Variants in CUX2 observed in about 807,000 individuals in gnomAD.
CUX2 encodes cut like homeobox 2, also known as homeobox protein cut-like 2.
In CUX2, 40 loss-of-function variants were observed where a neutral mutation model predicts 144.8. That is an observed-to-expected ratio of 0.28 (90% CI 0.21 to 0.36). The LOEUF (loss-of-function observed/expected upper bound fraction) is 0.36. Ranked by LOEUF, CUX2 falls within the 10% of genes least tolerant of loss-of-function variation. The pLI, the probability that CUX2 is intolerant of heterozygous loss-of-function variation, is 1.00. For missense variants in CUX2, 1,615 were observed against 1,994.0 expected (o/e 0.81, Z 3.62); for synonymous variants, 827 against 875.6 (o/e 0.94, Z 0.98).
At chr12:111,229,900 G>A (rs1345764537) in intron 3 of CUX2, among the ~76,000 whole-genome samples, 1 of 151,820 alleles carries the variant, frequency 6.6e-6, no homozygotes, top group African/African-American at 2.4e-5. Flanking sequence ...TGTAGTCCCA[G>A]GTACTAGGGG....
chr12:111,042,594 ATAG>A (rs1036143671), intron 1 of CUX2, among the ~76,000 whole-genome samples: 1 of 152,166 alleles, frequency 6.6e-6, no homozygotes, highest in African/African-American at 2.4e-5. Context: ...AATGGGGATA[ATAG>A]TAGTAGCCAC....
chr12:111,083,107 T>C (rs1871996681), intron 1 of CUX2, among the ~76,000 whole-genome samples: 2 of 152,114 alleles, frequency 1.3e-5, no homozygotes, highest in South Asian at 4.2e-4. Context: ...CCCTGCTAAG[T>C]TGTACCAACC....
intron 3 of CUX2, among the ~76,000 whole-genome samples, chr12:111,222,450 A>G (rs938628107): frequency 6.6e-6 from 1 of 152,134 alleles, no homozygotes; most frequent in African/African-American, 2.4e-5. Context: ...CTTCCACCAT[A>G]AAGGGGATGT....
In CUX2 at chr12:111,065,378, G is replaced by A. The variant is rs556514410; in HGVS notation, c.63+31138G>A. On this transcript the variant is annotated intron_variant, in intron 1 of 21. Coordinates refer to ENST00000261726, the MANE Select transcript of CUX2 (RefSeq NM_015267.4). ...AGACGGAGTCTTGCTCTGTTGCCCA[G>A]GCTGGAGTGCAGTGGCACGATCTCG... is the stretch of plus-strand genomic sequence containing the variant. 2.0e-5 allele frequency among the ~76,000 whole-genome samples: 3 copies of A among 152,358 alleles called. No homozygotes were observed. The South Asian group carries it at 6.2e-4, about 32-fold the overall frequency.
Position 111,277,090 on chromosome 12 carries a change from C to T in CUX2, c.301+13251C>T, listed in dbSNP as rs1427869589. On this transcript the variant is annotated intron_variant, in intron 4 of 21. Transcript: ENST00000261726. The surrounding 1 kb of genome is among the most constrained non-coding windows in gnomAD (Gnocchi z 5.0). ...CTCATCTGCCCCCTGCCCTACCCAA[C>T]CTTGTGGATGTGGGGGCCCCATCTG... 6.6e-6 allele frequency among the ~76,000 whole-genome samples: 1 copy of T among 152,182 alleles called. No individual in the cohort carries two copies. Among genetic ancestry groups the T allele is most frequent in the Non-Finnish European group, 1.5e-5 (1 of 68,034 alleles).
rs148100484 is a variant in CUX2, at chr12:111,062,834, G to A, written c.63+28594G>A. Among the ~76,000 whole-genome samples, 94 of 152,312 alleles carry A rather than the reference G, an allele frequency of 6.2e-4. 1 individual carries two copies. The highest frequency in any genetic ancestry group is 1.0e-3 in the Non-Finnish European group (71 of 68,038). On this transcript the variant is annotated intron_variant, in intron 1 of 21. Coordinates refer to ENST00000261726, the MANE Select transcript of CUX2 (RefSeq NM_015267.4). ...GGTAGTCCAGTTAGAGGGTAGGAGC[G>A]AGATGTGCGAAGGCCCTGGGGTGGG...
At chr12:111,219,384 CAAAAAAA>C (rs751519383) in intron 3 of CUX2, among the ~76,000 whole-genome samples, 3 of 120,476 alleles carry the variant, frequency 2.5e-5, no homozygotes, top group South Asian at 2.7e-4. Flanking sequence ...CTTTGTGTTA[CAAAAAAA>C]AAAAAAAATA....
At chr12:111,221,786 CTG>C (rs148816447) in intron 3 of CUX2, among the ~76,000 whole-genome samples, 5 of 150,922 alleles carry the variant, frequency 3.3e-5, no homozygotes, top group Admixed American at 6.6e-5. Context: ...TTCTTTCTTT[CTG>C]TGTGTGTGTG....
chr12:111,144,182 A>G (rs1876514739), intron 1 of CUX2, among the ~76,000 whole-genome samples: 1 of 152,136 alleles, frequency 6.6e-6, no homozygotes, highest in Non-Finnish European at 1.5e-5. Context: ...TGTCTCACTA[A>G]TGATGCCCAG....
At chr12:111,216,505 C>A (rs1484741634) in intron 2 of CUX2, among the ~76,000 whole-genome samples, 1 of 152,168 alleles carries the variant, frequency 6.6e-6, no homozygotes, top group Non-Finnish European at 1.5e-5. Context: ...TTTCCGGTGC[C>A]TTTTGAGAAT....
chr12:111,257,249 C>CCACTT, intron 3 of CUX2, among the ~76,000 whole-genome samples: 1 of 142,366 alleles, frequency 7.0e-6, no homozygotes, highest in African/African-American at 2.6e-5. Context: ...CCTCCCCTTC[C>CCACTT]CTTTTCCCCC....
At chr12:111,093,854 T>C (rs1872672045) in intron 1 of CUX2, among the ~76,000 whole-genome samples, 1 of 152,192 alleles carries the variant, frequency 6.6e-6, no homozygotes. Context: ...AGGCCAAACA[T>C]TGATGTTGTG....
At position 111,267,357 on chromosome 12, in the gene CUX2, T is replaced by C. The variant is rs546435625; in HGVS notation, c.301+3518T>C. 4.6e-5 allele frequency among the ~76,000 whole-genome samples: 7 copies of C among 152,284 alleles called. No individual in the cohort carries two copies. The East Asian group carries it at 5.8e-4, about 13-fold the overall frequency. On this transcript the variant is annotated intron_variant, in intron 4 of 21. Transcript: ENST00000261726. Reference sequence around the variant, plus strand: ...AAAGTTTGAGCGCACAGGCCTGATATAGAAGTTGCCTTTGTTCTGTGCTCT... The same window carrying C: ...AAAGTTTGAGCGCACAGGCCTGATACAGAAGTTGCCTTTGTTCTGTGCTCT...
chr12:111,293,617 C>T lies in CUX2; in HGVS notation c.560+48C>T. ...GAGGGAGGAAGGAATGGGCAGGGCT[C>T]CTGCTGCCCCACCTGGCTGGGTCGT... On this transcript the variant is annotated intron_variant, in intron 6 of 21. Transcript: ENST00000261726. The surrounding 1 kb of genome is among the most constrained non-coding windows in gnomAD (Gnocchi z 4.5). The T allele has an allele frequency of 6.5e-7, 1 of 1,540,898 alleles. No individual in the cohort carries two copies. Among genetic ancestry groups the T allele is most frequent in the South Asian group, 1.2e-5 (1 of 82,382 alleles).
At chr12:111,200,071 G>A (rs1880486250) in intron 1 of CUX2, among the ~76,000 whole-genome samples, 1 of 152,168 alleles carries the variant, frequency 6.6e-6, no homozygotes, top group South Asian at 2.1e-4. Context: ...TTGCGGGGGA[G>A]AGAGCATTTG....
chr12:111,189,201 G>A (rs566821700), intron 1 of CUX2, among the ~76,000 whole-genome samples: 1 of 152,306 alleles, frequency 6.6e-6, no homozygotes, highest in Admixed American at 6.5e-5. Context: ...GAGCCTGGGA[G>A]GTTGAGGCTG....
intron 1 of CUX2, among the ~76,000 whole-genome samples, chr12:111,069,527 T>G (rs2136028605): frequency 7.0e-6 from 1 of 143,868 alleles, no homozygotes; most frequent in South Asian, 2.7e-4. Flanking sequence ...GCTCTGTGTG[T>G]GTGTGTGTGT....
rs1886968834 is a variant in CUX2 at position 111,312,707 on chromosome 12, AAAAG to A, written c.2002+510_2002+513del. 6.6e-6 allele frequency among the ~76,000 whole-genome samples: 1 copy of A among 152,044 alleles called. No homozygotes were observed. Among genetic ancestry groups the A allele is most frequent in the Non-Finnish European group, 1.5e-5 (1 of 67,994 alleles). ...AAAGCAAGACTCTGTCAGAAAAAAA[AAAAG>A]AAAAATATCCCAAGACTCGACAAGG... On this transcript the variant is annotated intron_variant, in intron 16 of 21. Coordinates refer to ENST00000261726, the MANE Select transcript of CUX2 (RefSeq NM_015267.4). This position sits in a 1 kb window ranked among gnomAD's most constrained non-coding sequence, Gnocchi z 4.3.
At chr12:111,182,567 G>A (rs993012610) in intron 1 of CUX2, among the ~76,000 whole-genome samples, 1 of 152,238 alleles carries the variant, frequency 6.6e-6, no homozygotes. Context: ...GATGGAGAAG[G>A]CGGCTCAGGT....
Sources: gnomAD v4.1 joint callset for allele counts (sites outside exome capture counted in the v4.1 genomes callset) on GRCh38, gnomAD v4.1.1 for gene constraint, Gnocchi (gnomAD v3.1) non-coding constraint, MANE v1.5 for transcripts, NCBI Gene and HGNC (gene_info 2026-07-23, HGNC 2026-07-21) for gene names.